PDS5B: variants seen among roughly 807,000 people sequenced by gnomAD.
The protein encoded by PDS5B is sister chromatid cohesion protein PDS5 homolog B.
A neutral mutation model predicts 184.1 loss-of-function variants in PDS5B; 51 were observed. The ratio of observed to expected loss-of-function variants is 0.28; its 90% CI spans 0.22 to 0.35. The LOEUF (loss-of-function observed/expected upper bound fraction) is 0.35, where lower values mean the gene tolerates loss of function less well. Ranked by LOEUF, PDS5B falls within the 10% of genes least tolerant of loss-of-function variation. PDS5B has a pLI of 1.00. For missense variants in PDS5B, 1,180 were observed against 1,723.3 expected (o/e 0.68, Z 5.58); for synonymous variants, 566 against 569.2 (o/e 0.99, Z 0.08).
chr13:32,679,605 C>T lies in PDS5B; in HGVS notation c.1057+676C>T, dbSNP rs1951173817. ...GAGCTGAGATTGTGCCATTGCACTCCAGCCTGGTCAACAAGAGCGAAACTC... is the reference window on the plus strand; with the variant it reads ...GAGCTGAGATTGTGCCATTGCACTCTAGCCTGGTCAACAAGAGCGAAACTC... On this transcript the variant is annotated intron_variant, in intron 10 of 34. Coordinates refer to ENST00000315596, the MANE Select transcript of PDS5B (RefSeq NM_015032.4). Among the ~76,000 whole-genome samples the T allele has an allele frequency of 2.0e-5, 3 of 151,466 alleles. No individual in the cohort carries two copies. In the South Asian group the frequency reaches 6.3e-4, roughly 32 times the overall value.
intron 1 of PDS5B, among the ~76,000 whole-genome samples, chr13:32,620,264 A>G (rs543224490): frequency 2.6e-5 from 4 of 152,224 alleles, no homozygotes; most frequent in Admixed American, 6.5e-5. Flanking sequence ...AGACAGTACT[A>G]TCACCTGCAA....
intron 23 of PDS5B, 82 bp downstream of exon 23, chr13:32,742,809 TTTC>T (rs1279773662): frequency 5.6e-6 from 7 of 1,256,570 alleles, no homozygotes; most frequent in Non-Finnish European, 7.9e-6. Context: ...GCTGTTTCTT[TTTC>T]TTTTTTTTTT....
At chr13:32,658,554 G>C in intron 5 of PDS5B, 23 bp downstream of exon 5, 1 of 1,219,560 alleles carries the variant, frequency 8.2e-7, no homozygotes, top group South Asian at 1.4e-5. Flanking sequence ...TATTAAGTAT[G>C]TAACATTAAA....
chr13:32,715,572 C>G (rs1339021346), intron 19 of PDS5B, among the ~76,000 whole-genome samples: 1 of 152,146 alleles, frequency 6.6e-6, no homozygotes, highest in East Asian at 1.9e-4. Context: ...ACCTAACAGA[C>G]TCTAGTTATA....
chr13:32,640,011 G>C (rs2058630500), intron 1 of PDS5B, among the ~76,000 whole-genome samples: 2 of 152,080 alleles, frequency 1.3e-5, no homozygotes, highest in African/African-American at 4.8e-5. Context: ...GATTGCTCTT[G>C]CTCTTTAGTC....
In PDS5B at chr13:32,775,095, A is replaced by ATTTTTTTTTTT. The variant is rs373003953; in HGVS notation, c.*44_*45insTTTTTTTTTTT. 3 of 547,734 alleles carry ATTTTTTTTTTT rather than the reference A, an allele frequency of 5.5e-6. No homozygotes were observed. Among genetic ancestry groups the ATTTTTTTTTTT allele is most frequent in the Non-Finnish European group, 7.7e-6 (3 of 388,800 alleles). 33.9% of individuals were successfully genotyped at this position (547,734 alleles called of 1,614,324 possible). ...CTTTCTCTGTGAAAGCTTTGGAAAAATCTTTTTTTTTTTTTTTGGTCAAGC... is the reference window on the plus strand; with the variant it reads ...CTTTCTCTGTGAAAGCTTTGGAAAAATTTTTTTTTTTTCTTTTTTTTTTTTTTTGGTCAAGC... On this transcript the variant is annotated 3_prime_UTR_variant, in exon 35 of 35. Transcript: ENST00000315596.
chr13:32,597,825 G>A (rs1403276349), intron 1 of PDS5B, among the ~76,000 whole-genome samples: 3 of 149,034 alleles, frequency 2.0e-5, no homozygotes, highest in Non-Finnish European at 4.4e-5. Flanking sequence ...CCAGCCTGGC[G>A]ACAGCGAGAC....
At chr13:32,614,470 G>A (rs572833000) in intron 1 of PDS5B, among the ~76,000 whole-genome samples, 20 of 151,964 alleles carry the variant, frequency 1.3e-4, no homozygotes, top group African/African-American at 4.6e-4. Flanking sequence ...GCTAATTTTT[G>A]TATTTTTAGT....
intron 1 of PDS5B, among the ~76,000 whole-genome samples, chr13:32,637,525 C>T (rs940139972): frequency 2.0e-5 from 3 of 151,894 alleles, no homozygotes; most frequent in South Asian, 4.1e-4. Flanking sequence ...ATTGTATGTG[C>T]GGACTGGAGT....
intron 8 of PDS5B, 75 bp from the exon 9 acceptor site, chr13:32,675,769 T>A: frequency 1.3e-6 from 1 of 772,826 alleles, no homozygotes; most frequent in Non-Finnish European, 2.2e-6. Context: ...TCAGGGAAAT[T>A]ATGGCAAAGA....
intron 1 of PDS5B, among the ~76,000 whole-genome samples, chr13:32,621,948 T>C (rs2058307945): frequency 6.6e-6 from 1 of 152,198 alleles, no homozygotes; most frequent in African/African-American, 2.4e-5. Flanking sequence ...ATTCTTTATC[T>C]ATCATTCTTT....
intron 1 of PDS5B, among the ~76,000 whole-genome samples, chr13:32,643,736 C>A (rs1950156056): frequency 6.6e-6 from 1 of 152,076 alleles, no homozygotes; most frequent in African/African-American, 2.4e-5. Flanking sequence ...TAGGCTATAC[C>A]ATATAGCCTA....
At chr13:32,721,115 A>G (rs1443788861) in intron 19 of PDS5B, among the ~76,000 whole-genome samples, 1 of 152,200 alleles carries the variant, frequency 6.6e-6, no homozygotes, top group Non-Finnish European at 1.5e-5. Context: ...ATTCGACAAA[A>G]CCACCATTGT....
chr13:32,699,938 A>G, intron 16 of PDS5B, 69 bp downstream of exon 16: 1 of 1,375,714 alleles, frequency 7.3e-7, no homozygotes, highest in Non-Finnish European at 9.7e-7. Context: ...CTCTTTTATA[A>G]AAGTAATTTA....
chr13:32,728,446 GTTTTTCCTC>G (rs369339616), intron 19 of PDS5B, among the ~76,000 whole-genome samples: 34,490 of 152,016 alleles, frequency 0.23, 4,231 homozygotes, highest in South Asian at 0.37. Context: ...GTCTCAGGTA[GTTTTTCCTC>G]CTAACACGAT....
chr13:32,660,520 C>G (rs2140705984), intron 6 of PDS5B, among the ~76,000 whole-genome samples: 1 of 152,234 alleles, frequency 6.6e-6, no homozygotes, highest in South Asian at 2.1e-4. Context: ...TGGGCTGTGC[C>G]TGACTGGACT....
intron 19 of PDS5B, among the ~76,000 whole-genome samples, chr13:32,716,785 A>G (rs1593498394): frequency 1.0e-5 from 1 of 98,174 alleles, no homozygotes. Flanking sequence ...CCCGTCCGGG[A>G]GGGAGGTGGG....
chr13:32,770,764 A>G lies in PDS5B; in HGVS notation c.4172+3A>G, dbSNP rs202227014. ...CCATCACAACCAAAAAAAAATGTGT[A>G]AGTTGTAAATATTACATTTCAAACC... On this transcript the variant is annotated splice_donor_region_variant and intron_variant, in intron 33 of 34. Coordinates refer to ENST00000315596, the MANE Select transcript of PDS5B (RefSeq NM_015032.4). 52 of 1,589,330 alleles carry G rather than the reference A, an allele frequency of 3.3e-5. No individual in the cohort carries two copies. Among genetic ancestry groups the G allele is most frequent in the Non-Finnish European group, 4.3e-5 (50 of 1,164,770 alleles).
intron 19 of PDS5B, among the ~76,000 whole-genome samples, chr13:32,718,979 T>C (rs638991): frequency 0.71 from 108,381 of 152,130 alleles, 38,992 homozygotes; most frequent in African/African-American, 0.82. Flanking sequence ...GAAAATAGAC[T>C]GCTTACTTTG....
Sources: allele counts gnomAD v4.1 joint callset (sites outside exome capture counted in the v4.1 genomes callset), GRCh38; gene constraint gnomAD v4.1.1; transcripts MANE v1.5; gene names NCBI Gene and HGNC (gene_info 2026-07-23, HGNC 2026-07-21).